Variants in ZFAND3 observed in about 807,000 individuals in gnomAD.
ZFAND3 encodes the protein AN1-type zinc finger protein 3.
A neutral mutation model predicts 29.6 loss-of-function variants in ZFAND3; 10 were observed. The ratio of observed to expected loss-of-function variants is 0.34; its 90% CI spans 0.21 to 0.57. ZFAND3 has a LOEUF of 0.57. ZFAND3 is among the 20% of genes least tolerant of loss of function. ZFAND3 has a pLI of 0.86. For missense variants in ZFAND3, 230 were observed against 304.5 expected (o/e 0.76, Z 1.82); for synonymous variants, 128 against 112.6 (o/e 1.14, Z -0.87).
intron 1 of ZFAND3, among the ~76,000 whole-genome samples, chr6:37,900,495 T>TG (rs1293651583): frequency 1.3e-5 from 2 of 152,186 alleles, no homozygotes; most frequent in Non-Finnish European, 2.9e-5. Flanking sequence ...ATTGAGTTGT[T>TG]GCAATTTTCA....
At chr6:37,934,000 G>A (rs561342852) in intron 2 of ZFAND3, among the ~76,000 whole-genome samples, 3 of 149,092 alleles carry the variant, frequency 2.0e-5, no homozygotes, top group South Asian at 2.1e-4. Flanking sequence ...TGATTGTCCC[G>A]CCTCAGCCTC....
chr6:37,843,773 A>T (rs146874510), intron 1 of ZFAND3, among the ~76,000 whole-genome samples: 1 of 151,774 alleles, frequency 6.6e-6, no homozygotes, highest in African/African-American at 2.4e-5. Flanking sequence ...GACATTGCAT[A>T]TTCTTTTAAC....
rs74523330 is a variant in ZFAND3 at position 38,097,439 on chromosome 6, C to T, written c.361+14982C>T. ...GTTATGTGAGAATTTTTACTGGGGG[C>T]TGTGTGTGGGAAGCAGTGAGTATAG... is the stretch of plus-strand genomic sequence containing the variant. On this transcript the variant is annotated intron_variant, in intron 4 of 5. Coordinates refer to ENST00000287218, the MANE Select transcript of ZFAND3 (RefSeq NM_021943.3). Among the ~76,000 whole-genome samples the T allele has an allele frequency of 0.018, 2,669 of 152,022 alleles. 251 individuals carry two copies. In the East Asian group the frequency reaches 0.28, roughly 16 times the overall value.
At chr6:37,926,488 C>G (rs1440601311) in intron 1 of ZFAND3, among the ~76,000 whole-genome samples, 1 of 152,136 alleles carries the variant, frequency 6.6e-6, no homozygotes, top group African/African-American at 2.4e-5. Flanking sequence ...TTCTGAATTC[C>G]CTTTGCTACT....
intron 3 of ZFAND3, among the ~76,000 whole-genome samples, chr6:38,077,871 T>C (rs1764585035): frequency 6.6e-6 from 1 of 152,250 alleles, no homozygotes; most frequent in Non-Finnish European, 1.5e-5. Context: ...AGTTGTAGTC[T>C]TCAACTAGCC....
intron 1 of ZFAND3, among the ~76,000 whole-genome samples, chr6:37,903,708 C>T (rs546685004): frequency 3.9e-5 from 6 of 152,300 alleles, no homozygotes; most frequent in Non-Finnish European, 8.8e-5. Flanking sequence ...TTAATCATAA[C>T]TAAGGTAGGA....
chr6:37,902,673 A>G (rs1765340824), intron 1 of ZFAND3, among the ~76,000 whole-genome samples: 2 of 150,528 alleles, frequency 1.3e-5, no homozygotes, highest in African/African-American at 4.9e-5. Flanking sequence ...TAAAAAAGTA[A>G]TTTTAATTGA....
intron 2 of ZFAND3, among the ~76,000 whole-genome samples, chr6:37,955,485 T>C (rs1045149423): frequency 6.6e-6 from 1 of 152,184 alleles, no homozygotes; most frequent in Admixed American, 6.5e-5. Flanking sequence ...GTCAGTAGTA[T>C]TATATTTGAG....
At chr6:37,957,465 TAGTG>T (rs749012740) in intron 2 of ZFAND3, among the ~76,000 whole-genome samples, 4 of 152,108 alleles carry the variant, frequency 2.6e-5, no homozygotes, top group Non-Finnish European at 5.9e-5. Context: ...CAAAATAAAT[TAGTG>T]AGGCACTTAC....
chr6:38,154,230 G>A lies in ZFAND3; in HGVS notation c.*1841G>A, dbSNP rs931037620. 1.9e-5 allele frequency: 19 copies of A among 985,434 alleles called. No individual in the cohort carries two copies. The highest frequency in any genetic ancestry group is 3.5e-5 in the African/African-American group (2 of 57,246). 61.0% of individuals were successfully genotyped at this position (985,434 alleles called of 1,614,324 possible). ...TAGGCTTCCGCCAAGCTCTGGTCCC[G>A]AAGAGGCTGTGCGAGCCCTTCCCGG... On this transcript the variant is annotated 3_prime_UTR_variant, in exon 6 of 6. Coordinates refer to ENST00000287218, the MANE Select transcript of ZFAND3 (RefSeq NM_021943.3).
intron 1 of ZFAND3, among the ~76,000 whole-genome samples, chr6:37,874,732 T>C (rs6934617): frequency 0.7 from 105,670 of 151,464 alleles, 37,390 homozygotes; most frequent in African/African-American, 0.77. Context: ...CAACCCATAA[T>C]ACCATTCTTT....
At chr6:37,983,080 T>C (rs1386866458) in intron 2 of ZFAND3, among the ~76,000 whole-genome samples, 2 of 152,226 alleles carry the variant, frequency 1.3e-5, no homozygotes, top group African/African-American at 2.4e-5. Context: ...GTTTGTGTTA[T>C]AAGCTAAATG....
At chr6:38,039,937 C>G (rs1763728571) in intron 2 of ZFAND3, among the ~76,000 whole-genome samples, 1 of 152,074 alleles carries the variant, frequency 6.6e-6, no homozygotes, top group African/African-American at 2.4e-5. Flanking sequence ...AGAAAGCCGA[C>G]TATTGTTCAG....
Position 37,863,608 on chromosome 6 carries a change from G to GTT in ZFAND3, c.71+43604_71+43605dup, listed in dbSNP as rs779431404. On this transcript the variant is annotated intron_variant, in intron 1 of 5. Transcript: ENST00000287218. The stretch of plus-strand genomic sequence containing the variant: ...TGCTTAACAGTTTTAGGTTTCACAG[G>GTT]TTTTTTTTTTTTTCTTTTTCAGTTT... Among the ~76,000 whole-genome samples, 10 of 144,300 alleles carry GTT rather than the reference G, an allele frequency of 6.9e-5. No homozygotes were observed. The South Asian group carries it at 8.8e-4, about 13-fold the overall frequency. 94.7% of individuals were successfully genotyped at this position (144,300 alleles called of 152,430 possible). A position where few individuals can be genotyped will look rare whatever the true frequency, so the allele number is the denominator to read the frequency against.
chr6:37,855,843 T>C (rs1764371919), intron 1 of ZFAND3, among the ~76,000 whole-genome samples: 1 of 152,200 alleles, frequency 6.6e-6, no homozygotes, highest in African/African-American at 2.4e-5. Flanking sequence ...TCTTTCTGCA[T>C]AGAAACTTTA....
intron 1 of ZFAND3, among the ~76,000 whole-genome samples, chr6:37,855,555 C>T (rs1052865770): frequency 6.6e-6 from 1 of 152,090 alleles, no homozygotes; most frequent in African/African-American, 2.4e-5. Context: ...AGGTTTGAAC[C>T]TAATGAAAGA....
chr6:38,073,881 G>A (rs1294485253), intron 3 of ZFAND3, among the ~76,000 whole-genome samples: 1 of 152,180 alleles, frequency 6.6e-6, no homozygotes. Flanking sequence ...AGCAGAAATG[G>A]AATGTCTTGG....
intron 4 of ZFAND3, among the ~76,000 whole-genome samples, chr6:38,101,376 A>G (rs78249300): frequency 0.012 from 1,810 of 152,352 alleles, 22 homozygotes; most frequent in Non-Finnish European, 0.018. Flanking sequence ...TCATTCAGGG[A>G]GAAGAAAAGG....
At chr6:37,842,750 C>T (rs1764101282) in intron 1 of ZFAND3, among the ~76,000 whole-genome samples, 1 of 152,132 alleles carries the variant, frequency 6.6e-6, no homozygotes, top group Non-Finnish European at 1.5e-5. Flanking sequence ...TTGGGAGATA[C>T]CCTGGCCCTA....
Sources: gnomAD v4.1 joint callset for allele counts (sites outside exome capture counted in the v4.1 genomes callset) on GRCh38, gnomAD v4.1.1 for gene constraint, MANE v1.5 for transcripts, NCBI Gene and HGNC (gene_info 2026-07-23, HGNC 2026-07-21) for gene names.